NRG1: variants seen among roughly 807,000 people sequenced by gnomAD.
NRG1 encodes the protein neuregulin 1.
In NRG1, 18 loss-of-function variants were observed where a neutral mutation model predicts 63.8. The observed-to-expected ratio is 0.28, with a 90% CI of 0.19 to 0.42. The LOEUF (loss-of-function observed/expected upper bound fraction) is 0.42. Among genes scored for constraint, NRG1 ranks in the 10% least tolerant of loss-of-function variants. The probability of loss-of-function intolerance (pLI) is 1.00; values close to 1 mark genes in which losing one functional copy is unlikely to be tolerated. For synonymous variants in NRG1, 302 were observed against 301.3 expected (o/e 1.00, Z -0.02); for missense variants, 762 against 814.7 (o/e 0.94, Z 0.79).
chr8:31,928,626 C>A (rs948822992), intron 1 of NRG1, among the ~76,000 whole-genome samples: 2 of 130,124 alleles, frequency 1.5e-5, no homozygotes, highest in African/African-American at 2.9e-5. Context: ...TGTGTGTATA[C>A]CATGAAATAC....
intron 1 of NRG1, among the ~76,000 whole-genome samples, chr8:32,433,940 T>C (rs567278125): frequency 3.2e-4 from 48 of 152,164 alleles, no homozygotes; most frequent in African/African-American, 1.1e-3. Flanking sequence ...GTAATCCCAG[T>C]ACTTTGGGAG....
At chr8:32,707,870 A>G (rs1475497218) in intron 5 of NRG1, among the ~76,000 whole-genome samples, 1 of 151,954 alleles carries the variant, frequency 6.6e-6, no homozygotes, top group Non-Finnish European at 1.5e-5. Flanking sequence ...TGTTCTCTCA[A>G]TAAAAAGAAA....
At position 32,427,917 on chromosome 8, in the gene NRG1, G is replaced by C. The variant is rs59323200; in HGVS notation, c.38-167911G>C. Among the ~76,000 whole-genome samples the C allele has an allele frequency of 0.011, 1,710 of 152,252 alleles. 179 individuals carry two copies. In the East Asian group the frequency reaches 0.24, roughly 22 times the overall value. The stretch of plus-strand genomic sequence containing the variant: ...TCCAAGTTGCTCTGTATTTTAGCTA[G>C]ACTAGACTAGATTGTTCAGTGGTCA... On this transcript the variant is annotated intron_variant, in intron 1 of 10. Coordinates refer to the NRG1 transcript ENST00000519301.
At chr8:31,729,105 AT>A (rs972572570) in intron 1 of NRG1, among the ~76,000 whole-genome samples, 2 of 152,170 alleles carry the variant, frequency 1.3e-5, no homozygotes, top group Non-Finnish European at 2.9e-5. Context: ...CAGATTATAC[AT>A]GGGAAAAATG....
At chr8:32,204,091 A>T (rs575931314) in intron 1 of NRG1, among the ~76,000 whole-genome samples, 1 of 152,318 alleles carries the variant, frequency 6.6e-6, no homozygotes, top group South Asian at 2.1e-4. Flanking sequence ...GAGGAGCAGC[A>T]TGTTCAAAGG....
intron 1 of NRG1, among the ~76,000 whole-genome samples, chr8:31,715,745 A>T (rs890611627): frequency 6.6e-6 from 1 of 152,164 alleles, no homozygotes; most frequent in Admixed American, 6.5e-5. Context: ...GACTTTGAGG[A>T]TAGAGCCTCC....
At chr8:32,728,277 T>C in intron 6 of NRG1, 199 bp downstream of exon 6, 4 of 985,198 alleles carry the variant, frequency 4.1e-6, no homozygotes, top group Non-Finnish European at 4.8e-6. Context: ...TTTTTTGCTC[T>C]TTTCAATGTG....
chr8:32,719,826 T>C (rs1405243066), intron 5 of NRG1, among the ~76,000 whole-genome samples: 1 of 152,124 alleles, frequency 6.6e-6, no homozygotes, highest in Non-Finnish European at 1.5e-5. Context: ...TTTTATTGCA[T>C]CCCCTCTTGA....
chr8:32,014,938 A>C (rs570633657), intron 1 of NRG1, among the ~76,000 whole-genome samples: 1 of 152,266 alleles, frequency 6.6e-6, no homozygotes, highest in Non-Finnish European at 1.5e-5. Flanking sequence ...CTACAAGCCA[A>C]GGAACACCAA....
intron 1 of NRG1, among the ~76,000 whole-genome samples, chr8:32,413,413 T>A (rs1023941607): frequency 4.6e-5 from 7 of 152,212 alleles, no homozygotes; most frequent in Non-Finnish European, 5.9e-5. Flanking sequence ...GATGAGACCC[T>A]GAAATTACAT....
intron 1 of NRG1, among the ~76,000 whole-genome samples, chr8:31,997,278 T>C (rs2129633555): frequency 6.6e-6 from 1 of 151,838 alleles, no homozygotes; most frequent in African/African-American, 2.4e-5. Flanking sequence ...TTTAGGCTTG[T>C]TAGTTTCAAA....
At chr8:31,654,619 A>C (rs1055208165) in intron 1 of NRG1, among the ~76,000 whole-genome samples, 1 of 152,218 alleles carries the variant, frequency 6.6e-6, no homozygotes, top group African/African-American at 2.4e-5. Context: ...CTCTTCATTA[A>C]AATGGATGAG....
intron 5 of NRG1, among the ~76,000 whole-genome samples, chr8:32,663,389 A>T (rs1803353877): frequency 6.6e-6 from 1 of 152,144 alleles, no homozygotes; most frequent in Non-Finnish European, 1.5e-5. Context: ...GTATTCCTCA[A>T]GGTCAAGCAT....
At chr8:32,153,308 G>A (rs1029960375) in intron 1 of NRG1, among the ~76,000 whole-genome samples, 7 of 152,128 alleles carry the variant, frequency 4.6e-5, no homozygotes, top group African/African-American at 1.7e-4. Flanking sequence ...TCTCACTAAG[G>A]ACAGCTATGC....
chr8:32,655,392 T>G lies in NRG1; in HGVS notation c.502+38507T>G, dbSNP rs114695515. 3.8e-3 allele frequency among the ~76,000 whole-genome samples: 576 copies of G among 152,308 alleles called. 3 individuals are homozygous for G. The highest frequency in any genetic ancestry group is 0.013 in the African/African-American group (541 of 41,582). ...ACTTCACTTGAGATTTAGTTTTACA[T>G]CCAAACAAATGGGGATGTTAACATC... On this transcript the variant is annotated intron_variant, in intron 5 of 11. Coordinates refer to ENST00000356819, the Ensembl canonical transcript of NRG1.
chr8:32,274,885 G>T (rs1851929572), intron 1 of NRG1, among the ~76,000 whole-genome samples: 1 of 152,124 alleles, frequency 6.6e-6, no homozygotes, highest in Admixed American at 6.6e-5. Flanking sequence ...ATGCATTTTG[G>T]AAAGTCTGGC....
chr8:31,779,400 A>G (rs888458349), intron 1 of NRG1, among the ~76,000 whole-genome samples: 36 of 151,916 alleles, frequency 2.4e-4, no homozygotes, highest in African/African-American at 8.5e-4. Flanking sequence ...TACAGATTGC[A>G]GGCTTTTCTC....
At chr8:32,150,360 T>C (rs532452774) in intron 1 of NRG1, among the ~76,000 whole-genome samples, 4 of 152,320 alleles carry the variant, frequency 2.6e-5, no homozygotes, top group African/African-American at 7.2e-5. Context: ...AAAATTCATA[T>C]GTTGGATCCT....
chr8:31,688,329 A>G (rs1025060323), intron 1 of NRG1, among the ~76,000 whole-genome samples: 30 of 152,314 alleles, frequency 2.0e-4, no homozygotes, highest in African/African-American at 6.5e-4. Context: ...AAAAGGGCCA[A>G]CGGAGCTTGT....
Sources: gnomAD v4.1 joint callset for allele counts (sites outside exome capture counted in the v4.1 genomes callset) on GRCh38, gnomAD v4.1.1 for gene constraint, MANE v1.5 for transcripts, NCBI Gene and HGNC (gene_info 2026-07-23, HGNC 2026-07-21) for gene names.